PCDHA5: variants seen among roughly 807,000 people sequenced by gnomAD.
PCDHA5 encodes protocadherin alpha-5.
A neutral mutation model predicts 61.6 loss-of-function variants in PCDHA5; 43 were observed. That is an observed-to-expected ratio of 0.70 (90% confidence interval 0.55 to 0.90). The LOEUF (loss-of-function observed/expected upper bound fraction) is 0.90. Among genes scored for constraint, PCDHA5 ranks in the 40% least tolerant of loss-of-function variants. PCDHA5 has a pLI of 0.00. For missense variants in PCDHA5, 1,298 were observed against 1,222.7 expected, an observed-to-expected ratio of 1.06 and a Z score of -0.92; for synonymous variants, 627 against 543.9, an observed-to-expected ratio of 1.15 and a Z score of -2.13.
In PCDHA5 at chr5:140,848,538, C is replaced by T. The variant is rs1354116035; in HGVS notation, c.2352+24411C>T. 7 of 1,595,202 alleles carry T rather than the reference C, an allele frequency of 4.4e-6. No individual in the cohort carries two copies. The Admixed American group carries it at 1.0e-4, about 23-fold the overall frequency. ...AGGAGATCCAGAGGGTCAGCCTCTA[C>T]TGCTCTCGCTTCTGATCCTCGCAAT... is the stretch of plus-strand genomic sequence containing the variant. On this transcript the variant is annotated intron_variant, in intron 1 of 3. Transcript: ENST00000529859.
intron 1 of PCDHA5, chr5:140,863,201 C>T (rs782647654): frequency 2.2e-5 from 20 of 925,678 alleles, no homozygotes; most frequent in South Asian, 1.0e-4. Context: ...GCGTCGCTGG[C>T]GGAGAGCAGC....
intron 1 of PCDHA5, chr5:140,882,358 G>A: frequency 1.9e-6 from 3 of 1,614,232 alleles, no homozygotes; most frequent in Non-Finnish European, 2.5e-6. Context: ...GTAGTGGCCA[G>A]CTCCACTACT....
intron 1 of PCDHA5, chr5:140,968,461 C>G (rs141568667): frequency 1.4e-5 from 22 of 1,614,078 alleles, no homozygotes; most frequent in Non-Finnish European, 1.9e-5. Context: ...CTGTGACTGC[C>G]AACGTATATG....
In PCDHA5 at chr5:140,887,388, G is replaced by A. The variant is rs138166374; in HGVS notation, c.2352+63261G>A. ...TGGGATTACAGGTGTGAGCCACCGC[G>A]CCCGGCTCTTTATCTCATTTTTATT... is the stretch of plus-strand genomic sequence containing the variant. On this transcript the variant is annotated intron_variant, in intron 1 of 3. Transcript: ENST00000529859. 5.8e-3 allele frequency among the ~76,000 whole-genome samples: 888 copies of A among 152,192 alleles called. 10 individuals carry two copies. The highest frequency in any genetic ancestry group is 0.019 in the African/African-American group (805 of 41,536).
chr5:140,918,989 GTGT>G (rs2078966617), intron 1 of PCDHA5, among the ~76,000 whole-genome samples: 1 of 152,178 alleles, frequency 6.6e-6, no homozygotes, highest in Non-Finnish European at 1.5e-5. Context: ...TTGGTTTTTA[GTGT>G]TGTTCACATC....
chr5:141,000,774 G>A (rs1399583734), intron 3 of PCDHA5, among the ~76,000 whole-genome samples: 1 of 151,828 alleles, frequency 6.6e-6, no homozygotes, highest in Non-Finnish European at 1.5e-5. Context: ...AGGCATAGTG[G>A]CGCACACCTG....
At chr5:140,835,553 G>A in intron 1 of PCDHA5, 2 of 1,613,872 alleles carry the variant, frequency 1.2e-6, no homozygotes, top group Admixed American at 1.7e-5. Flanking sequence ...GCTCCCTGAC[G>A]CCCCGCGTTC....
At chr5:140,825,174 A>G (rs1768469302) in intron 1 of PCDHA5, 1 of 151,548 alleles carries the variant, frequency 6.6e-6, no homozygotes, top group Non-Finnish European at 1.5e-5. Flanking sequence ...TTCATTTACT[A>G]ATGTATCTTG....
In PCDHA5 at chr5:140,858,087, G is replaced by A. The variant is rs782702941; in HGVS notation, c.2352+33960G>A. On this transcript the variant is annotated intron_variant, in intron 1 of 3. Coordinates refer to ENST00000529859, the MANE Select transcript of PCDHA5 (RefSeq NM_018908.3). Reference sequence around the variant, plus strand: ...AGCCAGGCACCCAAGGCCTCGTCGCGGGCTTCAGTGGGCGTGGCGCCCGAG... The same window carrying A: ...AGCCAGGCACCCAAGGCCTCGTCGCAGGCTTCAGTGGGCGTGGCGCCCGAG... The A allele has an allele frequency of 4.1e-5, 66 of 1,597,710 alleles. 5 individuals carry two copies. Among genetic ancestry groups the A allele is most frequent in the Non-Finnish European group, 5.3e-5 (62 of 1,167,710 alleles).
At chr5:140,888,703 G>C (rs547593291) in intron 1 of PCDHA5, among the ~76,000 whole-genome samples, 1 of 152,180 alleles carries the variant, frequency 6.6e-6, no homozygotes, top group Admixed American at 6.5e-5. Context: ...TGATTGGTAG[G>C]AATGTGAAAT....
At chr5:140,946,546 A>G (rs1418590491) in intron 1 of PCDHA5, among the ~76,000 whole-genome samples, 5 of 150,480 alleles carry the variant, frequency 3.3e-5, no homozygotes, top group Admixed American at 1.3e-4. Flanking sequence ...AGCATTATTC[A>G]TGATAGTTCA....
At chr5:140,855,737 C>A (rs1168168277) in intron 1 of PCDHA5, 12 of 304,242 alleles carry the variant, frequency 3.9e-5, no homozygotes, top group Non-Finnish European at 6.7e-5. Context: ...TATAAAGAGA[C>A]GTAATGTGAG....
At chr5:140,916,417 A>G (rs2077566178) in intron 1 of PCDHA5, among the ~76,000 whole-genome samples, 1 of 152,246 alleles carries the variant, frequency 6.6e-6, no homozygotes. Flanking sequence ...AAGTCAGCAC[A>G]TCTCAGAACC....
At chr5:140,829,852 AG>A in intron 1 of PCDHA5, 1 of 1,613,942 alleles carries the variant, frequency 6.2e-7, no homozygotes, top group Non-Finnish European at 8.5e-7. Flanking sequence ...CACTGGGTGC[AG>A]GCCAAGTGGT....
intron 1 of PCDHA5, among the ~76,000 whole-genome samples, chr5:140,908,828 A>C (rs1490004627): frequency 6.6e-6 from 1 of 152,176 alleles, no homozygotes; most frequent in Non-Finnish European, 1.5e-5. Context: ...GTTACTCGAT[A>C]AATGGGCTGG....
chr5:140,971,698 A>G (rs969936167), intron 1 of PCDHA5, among the ~76,000 whole-genome samples: 16 of 151,980 alleles, frequency 1.1e-4, no homozygotes, highest in Non-Finnish European at 2.2e-4. Context: ...CTCACTAACC[A>G]CCCTGCTATA....
Position 140,823,872 on chromosome 5 carries a change from G to C in PCDHA5, c.2097G>C (p.Leu699=). 1 of 1,613,916 alleles carries C rather than the reference G, an allele frequency of 6.2e-7. No homozygotes were observed. The highest frequency in any genetic ancestry group is 8.5e-7 in the Non-Finnish European group (1 of 1,179,934). Residue 699 remains leucine, a synonymous_variant, in exon 1 of 4, where the codon CTG becomes CTC. Transcript: ENST00000529859. ...CCCTGGTGGATGTCAACGTGTACCT[G>C]ATCATCGCCATCTGTGCGGTGTCCA... ...EAALVDVNVY[L]IIAICAVSSL... is the part of the protein sequence containing the mutation.
At chr5:140,829,906 G>T (rs2150177512) in intron 1 of PCDHA5, 12 of 1,613,982 alleles carry the variant, frequency 7.4e-6, no homozygotes, top group African/African-American at 1.3e-5. Context: ...GCTACAACGC[G>T]TGGCTTTCGT....
intron 1 of PCDHA5, among the ~76,000 whole-genome samples, chr5:140,826,723 G>A (rs1409739091): frequency 1.3e-5 from 2 of 152,174 alleles, no homozygotes; most frequent in African/African-American, 4.8e-5. Context: ...AAGAGGAAGA[G>A]CAAGTGGTCT....
Sources: gnomAD v4.1 joint callset for allele counts (sites outside exome capture counted in the v4.1 genomes callset) on GRCh38, gnomAD v4.1.1 for gene constraint, MANE v1.5 for transcripts, NCBI Gene and HGNC (gene_info 2026-07-23, HGNC 2026-07-21) for gene names.